The following TICRR variants were observed in gnomAD, a reference collection of about 807,000 sequenced individuals.
TICRR encodes treslin.
A neutral mutation model predicts 178.1 loss-of-function variants in TICRR; 132 were observed. The observed-to-expected ratio is 0.74, with a 90% CI of 0.64 to 0.86. The LOEUF is 0.86. TICRR is among the 40% of genes least tolerant of loss of function. The pLI, the probability that TICRR is intolerant of heterozygous loss-of-function variation, is 0.00. For synonymous variants in TICRR, 991 were observed against 900.7 expected (o/e 1.10, Z -1.79); for missense variants, 2,587 against 2,334.3 (o/e 1.11, Z -2.23).
chr15:89,602,953 A>G, intron 13 of TICRR, 61 bp downstream of exon 13: 1 of 870,600 alleles, frequency 1.1e-6, no homozygotes. Context: ...CAGTGTCCCT[A>G]CTTTTAGGAA....
intron 14 of TICRR, among the ~76,000 whole-genome samples, chr15:89,608,107 C>G (rs1963201279): frequency 6.6e-6 from 1 of 152,134 alleles, no homozygotes; most frequent in East Asian, 1.9e-4. Flanking sequence ...TAGCCATCCT[C>G]TTACTTAAGA....
chr15:89,624,858 C>G lies in TICRR; in HGVS notation c.4548C>G (p.Gly1516=). 6.2e-7 allele frequency: 1 copy of G among 1,613,992 alleles called. No homozygotes were observed. Among genetic ancestry groups the G allele is most frequent in the Non-Finnish European group, 8.5e-7 (1 of 1,179,898 alleles). Residue 1516 remains glycine (G), a synonymous_variant, in exon 20 of 22, where the codon GGC becomes GGG. Coordinates refer to ENST00000268138, the MANE Select transcript of TICRR (RefSeq NM_152259.4). ...CATCTCCTCCTTCCTGTGGGCCTGGCTCTCCTCTGATGCCTTCCCGTGACG... is the reference window on the plus strand; with the variant it reads ...CATCTCCTCCTTCCTGTGGGCCTGGGTCTCCTCTGATGCCTTCCCGTGACG... ...IPPSPPSCGP[G]SPLMPSRDVH...
chr15:89,623,152 T>C (rs1963453480), intron 19 of TICRR, among the ~76,000 whole-genome samples: 1 of 152,248 alleles, frequency 6.6e-6, no homozygotes, highest in Non-Finnish European at 1.5e-5. Context: ...CTGCACCTTA[T>C]ATATCTGTGT....
chr15:89,585,737 G>GCC lies in TICRR; in HGVS notation c.1211_1212dup (p.Ile405ProfsTer14), dbSNP rs779146878. 4 of 1,613,906 alleles carry GCC rather than the reference G, an allele frequency of 2.5e-6. No homozygotes were observed. Among genetic ancestry groups the GCC allele is most frequent in the African/African-American group, 1.3e-5 (1 of 74,892 alleles). ...CTGATGTGGACCCTGGTGAAGGCCG[G>GCC]CCCCCCATCACTGGAGTTATTTCCC... On this transcript the variant is annotated frameshift_variant, in exon 4 of 22. Transcript: ENST00000268138. LOFTEE classifies it high-confidence loss of function.
chr15:89,584,822 A>G (rs1285817784), intron 3 of TICRR, among the ~76,000 whole-genome samples: 1 of 152,180 alleles, frequency 6.6e-6, no homozygotes, highest in Non-Finnish European at 1.5e-5. Context: ...GTGATTTCTC[A>G]TTGTTTTTTA....
At chr15:89,602,546 C>T (rs11073879) in intron 12 of TICRR, among the ~76,000 whole-genome samples, 75,816 of 151,830 alleles carry the variant, frequency 0.5, 19,660 homozygotes, top group Non-Finnish European at 0.58. Flanking sequence ...AGAAACTAGG[C>T]CTTCTATGAA....
chr15:89,599,219 G>C, intron 7 of TICRR, 105 bp from the exon 8 acceptor site: 1 of 686,678 alleles, frequency 1.5e-6, no homozygotes, highest in South Asian at 2.1e-5. Context: ...AAGGCCAAAT[G>C]TTCCCTGCAA....
Position 89,582,679 on chromosome 15 carries a change from A to G in TICRR, c.655-7A>G, listed in dbSNP as rs759082283. On this transcript the variant is annotated splice_region_variant and splice_polypyrimidine_tract_variant and intron_variant, in intron 1 of 21. Transcript: ENST00000268138. Reference sequence around the variant, plus strand: ...GTAACCTAAGGTTGTTTGTCGTTTTATTTTAGTTGTGGGAATCCCCAGACC... The same window carrying G: ...GTAACCTAAGGTTGTTTGTCGTTTTGTTTTAGTTGTGGGAATCCCCAGACC... 2 of 1,610,142 alleles carry G rather than the reference A, an allele frequency of 1.2e-6. No homozygotes were observed. Among genetic ancestry groups the G allele is most frequent in the Middle Eastern group, 1.6e-4 (1 of 6,078 alleles).
intron 5 of TICRR, among the ~76,000 whole-genome samples, chr15:89,593,452 C>T (rs1042482732): frequency 2.0e-5 from 3 of 152,212 alleles, no homozygotes; most frequent in Non-Finnish European, 4.4e-5. Flanking sequence ...CACCCGTAAC[C>T]CCAGTACTTT....
At chr15:89,604,768 CA>C (rs35046074) in intron 13 of TICRR, among the ~76,000 whole-genome samples, 27,977 of 105,802 alleles carry the variant, frequency 0.26, 2,784 homozygotes, top group South Asian at 0.36. Flanking sequence ...GAGACTCTGT[CA>C]AAAAAAAAAA....
intron 1 of TICRR, among the ~76,000 whole-genome samples, chr15:89,577,808 A>AC (rs1016176971): frequency 2.0e-5 from 3 of 151,608 alleles, no homozygotes; most frequent in African/African-American, 7.3e-5. Context: ...ACGGAGTTTC[A>AC]CCATGCTACC....
chr15:89,575,827 G>A lies in TICRR; in HGVS notation c.241G>A (p.Glu81Lys). Residue 81 changes from glutamate to lysine, a missense_variant, in exon 1 of 22, where the codon GAG (glutamate) becomes AAG (lysine). Physicochemically the swap from Glu to Lys is moderately conservative, Grantham distance 56. Transcript: ENST00000268138. Reference sequence around the variant, plus strand: ...GTGGGAGGACTTTGAGGAGGAGCTGGAGGCCAGGCTCGAGGATCGCGCCCA... The same window carrying A: ...GTGGGAGGACTTTGAGGAGGAGCTGAAGGCCAGGCTCGAGGATCGCGCCCA... ...RSWEDFEEEL[E>K]ARLEDRAHLP... 1 of 1,598,040 alleles carries A rather than the reference G, an allele frequency of 6.3e-7. No homozygotes were observed. The highest frequency in any genetic ancestry group is 8.5e-7 in the Non-Finnish European group (1 of 1,174,112).
In TICRR at chr15:89,599,478, A is replaced by G. The variant is rs764451190; in HGVS notation, c.2052+3A>G. The G allele has an allele frequency of 3.1e-6, 5 of 1,611,014 alleles. No homozygotes were observed. Among genetic ancestry groups the G allele is most frequent in the Non-Finnish European group, 4.2e-6 (5 of 1,179,142 alleles). On this transcript the variant is annotated splice_donor_region_variant and intron_variant, in intron 8 of 21. Transcript: ENST00000268138. Reference sequence around the variant, plus strand: ...CAAAAGGCACCAAGGAATTAGAAGTAAGAGGGTCCAGATATTGTTGTTTGT... The same window carrying G: ...CAAAAGGCACCAAGGAATTAGAAGTGAGAGGGTCCAGATATTGTTGTTTGT...
At chr15:89,599,688 A>T (rs1395206230) in intron 8 of TICRR, among the ~76,000 whole-genome samples, 2 of 152,336 alleles carry the variant, frequency 1.3e-5, no homozygotes, top group East Asian at 3.9e-4. Flanking sequence ...GTGAGCGGGG[A>T]TAATTACATA....
intron 1 of TICRR, 77 bp from the exon 2 acceptor site, chr15:89,582,609 T>A: frequency 7.4e-7 from 1 of 1,358,192 alleles, no homozygotes; most frequent in Admixed American, 2.0e-5. Flanking sequence ...CAACTTTACT[T>A]TCTCCTGATT....
rs754304250 is a variant in TICRR at position 89,624,462 on chromosome 15, G to C, written c.4152G>C (p.Arg1384=). ...CACCCCCTTCTAAAGTTGGGAAACG[G>C]TGTAGAAAGACCTCTGATCCCAGAA... ...PPPPPSKVGK[R]CRKTSDPRRS... is the part of the protein sequence containing the mutation. The change falls in exon 20 of 22, where the codon CGG becomes CGC. Residue 1384 remains arginine, a synonymous_variant. Transcript: ENST00000268138. The C allele has an allele frequency of 1.9e-6, 3 of 1,614,156 alleles. No individual in the cohort carries two copies. The Admixed American group carries it at 5.0e-5, about 27-fold the overall frequency.
At chr15:89,586,339 G>A (rs570163979) in intron 4 of TICRR, among the ~76,000 whole-genome samples, 1 of 151,492 alleles carries the variant, frequency 6.6e-6, no homozygotes, top group South Asian at 2.1e-4. Flanking sequence ...AAGCTAGGTA[G>A]ATTTAAATAT....
At chr15:89,618,271 G>C in intron 17 of TICRR, 61 bp downstream of exon 17, 1 of 1,470,264 alleles carries the variant, frequency 6.8e-7, no homozygotes, top group Non-Finnish European at 9.5e-7. Flanking sequence ...AAACCTTTCT[G>C]TATGTATTGT....
rs1033961947 is a variant in TICRR at position 89,575,954 on chromosome 15, A to C, written c.368A>C (p.Lys123Thr). 4.4e-6 allele frequency: 7 copies of C among 1,601,908 alleles called. No individual in the cohort carries two copies. In the African/African-American group the frequency reaches 9.4e-5, roughly 21 times the overall value. Residue 123 changes from lysine to threonine, a missense_variant, in exon 1 of 22, where the codon AAG (lysine) becomes ACG (threonine). Transcript: ENST00000268138. ...WDRPEITSPT[K>T]PILRSSGRRL... ...CGGCCCGAGATCACGTCGCCCACGAAGCCGATCCTGCGGAGCAGCGGGAGG... is the reference window on the plus strand; with the variant it reads ...CGGCCCGAGATCACGTCGCCCACGACGCCGATCCTGCGGAGCAGCGGGAGG...
Sources: gnomAD v4.1 joint callset for allele counts (sites outside exome capture counted in the v4.1 genomes callset) on GRCh38, gnomAD v4.1.1 for gene constraint, MANE v1.5 for transcripts, NCBI Gene and HGNC (gene_info 2026-07-23, HGNC 2026-07-21) for gene names.